Variants in TTC27 observed in about 807,000 individuals in gnomAD.
TTC27 encodes tetratricopeptide repeat domain 27.
In TTC27, 79 loss-of-function variants were observed where a neutral mutation model predicts 115.9. That is an observed-to-expected ratio of 0.68 (90% confidence interval 0.57 to 0.82). TTC27 has a LOEUF of 0.82. TTC27 is among the 40% of genes least tolerant of loss of function. The pLI, the probability that TTC27 is intolerant of heterozygous loss-of-function variation, is 0.00. For synonymous variants in TTC27, 401 were observed against 356.0 expected (o/e 1.13, Z -1.42); for missense variants, 1,054 against 993.1 (o/e 1.06, Z -0.82).
At chr2:32,715,691 C>T (rs966218304) in intron 10 of TTC27, among the ~76,000 whole-genome samples, 1 of 151,958 alleles carries the variant, frequency 6.6e-6, no homozygotes, top group Admixed American at 6.6e-5. Flanking sequence ...GTTGGTAGTC[C>T]TTTCTTTATA....
At chr2:32,699,398 AC>A (rs2151899265) in intron 9 of TTC27, among the ~76,000 whole-genome samples, 1 of 152,154 alleles carries the variant, frequency 6.6e-6, no homozygotes, top group East Asian at 1.9e-4. Flanking sequence ...CGTGGTGAAG[AC>A]TCTGAATTAA....
chr2:32,779,913 T>C, intron 14 of TTC27: 1 of 247,382 alleles, frequency 4.0e-6, no homozygotes, highest in South Asian at 5.0e-5. Context: ...TCTTTTCCTA[T>C]TAATAGTCTT....
At chr2:32,734,584 T>C (rs1288365148) in intron 11 of TTC27, among the ~76,000 whole-genome samples, 5 of 152,202 alleles carry the variant, frequency 3.3e-5, no homozygotes. Context: ...TTCTGGCCCC[T>C]TGTCTACATG....
chr2:32,683,444 C>T (rs1257844986), intron 9 of TTC27, among the ~76,000 whole-genome samples: 1 of 152,168 alleles, frequency 6.6e-6, no homozygotes, highest in Non-Finnish European at 1.5e-5. Flanking sequence ...CCAAAGTTTA[C>T]TAGAATGATG....
At chr2:32,809,255 G>T (rs147899194) in intron 16 of TTC27, among the ~76,000 whole-genome samples, 2 of 152,204 alleles carry the variant, frequency 1.3e-5, no homozygotes, top group African/African-American at 2.4e-5. Context: ...TCTCAGCTAC[G>T]CTTTCTGAAA....
At chr2:32,636,292 C>T (rs1559180143) in intron 3 of TTC27, among the ~76,000 whole-genome samples, 1 of 152,158 alleles carries the variant, frequency 6.6e-6, no homozygotes, top group Non-Finnish European at 1.5e-5. Flanking sequence ...CGGCTCACTG[C>T]AGTCTCTGCC....
At chr2:32,792,646 A>G (rs1159445173) in intron 16 of TTC27, among the ~76,000 whole-genome samples, 1 of 152,124 alleles carries the variant, frequency 6.6e-6, no homozygotes, top group Non-Finnish European at 1.5e-5. Flanking sequence ...GAGCTAGCCA[A>G]GCAGGGGAGG....
intron 16 of TTC27, among the ~76,000 whole-genome samples, chr2:32,800,582 T>C (rs1307292091): frequency 6.6e-6 from 1 of 151,808 alleles, no homozygotes; most frequent in African/African-American, 2.4e-5. Flanking sequence ...TCTGCAACCT[T>C]CGCCACCTGG....
intron 13 of TTC27, among the ~76,000 whole-genome samples, chr2:32,761,562 C>T (rs562051959): frequency 6.6e-6 from 1 of 152,242 alleles, no homozygotes; most frequent in East Asian, 1.9e-4. Context: ...TCTCACCCCA[C>T]ATTGCCCTCC....
intron 9 of TTC27, among the ~76,000 whole-genome samples, chr2:32,685,015 C>CT (rs70938361): frequency 0.3 from 35,077 of 116,174 alleles, 5,485 homozygotes; most frequent in Non-Finnish European, 0.38. Flanking sequence ...TTGCCTTTTC[C>CT]TTTTTTTTTT....
chr2:32,803,986 G>A (rs1345766830), intron 16 of TTC27, among the ~76,000 whole-genome samples: 1 of 146,564 alleles, frequency 6.8e-6, no homozygotes, highest in African/African-American at 2.5e-5. Context: ...CAGCCTGGGC[G>A]ACAGAGCGAG....
At chr2:32,707,821 A>AT (rs1431483951) in intron 10 of TTC27, among the ~76,000 whole-genome samples, 1 of 152,010 alleles carries the variant, frequency 6.6e-6, no homozygotes, top group Non-Finnish European at 1.5e-5. Context: ...GCCAGATTTT[A>AT]TTTTTTAAGT....
In TTC27 at chr2:32,700,370, C is replaced by G. The variant is rs570877021; in HGVS notation, c.1120-2437C>G. Among the ~76,000 whole-genome samples, 4 of 152,196 alleles carry G rather than the reference C, an allele frequency of 2.6e-5. No homozygotes were observed. The East Asian group carries it at 5.8e-4, about 22-fold the overall frequency. On this transcript the variant is annotated intron_variant, in intron 9 of 19. Transcript: ENST00000317907. ...TCTTTCACTCTGCAGACTTTTCCCA[C>G]TGTTTTACAGAGCCTTTTCCTCAGT...
At chr2:32,764,454 A>G (rs980121871) in intron 13 of TTC27, among the ~76,000 whole-genome samples, 1 of 152,240 alleles carries the variant, frequency 6.6e-6, no homozygotes, top group Non-Finnish European at 1.5e-5. Context: ...TACCAAAAAA[A>G]AATGCTAATG....
At chr2:32,774,613 T>G (rs1159528012) in intron 13 of TTC27, among the ~76,000 whole-genome samples, 1 of 152,208 alleles carries the variant, frequency 6.6e-6, no homozygotes, top group Non-Finnish European at 1.5e-5. Flanking sequence ...TTTTTGAAGC[T>G]TCTTTTGATT....
intron 9 of TTC27, among the ~76,000 whole-genome samples, chr2:32,699,960 G>A (rs186732879): frequency 7.9e-5 from 12 of 152,288 alleles, no homozygotes; most frequent in East Asian, 1.9e-4. Context: ...CTGTGCAAGC[G>A]TTTGGGACAA....
intron 4 of TTC27, among the ~76,000 whole-genome samples, chr2:32,647,413 G>C (rs537355065): frequency 2.2e-4 from 34 of 152,270 alleles, no homozygotes; most frequent in Non-Finnish European, 4.3e-4. Context: ...GATAGGAAAA[G>C]AATGAAAATG....
intron 15 of TTC27, among the ~76,000 whole-genome samples, 159 bp downstream of exon 15, chr2:32,782,837 ATT>A (rs1228364280): frequency 6.6e-6 from 1 of 152,198 alleles, no homozygotes; most frequent in East Asian, 1.9e-4. Context: ...TTCAAACTAA[ATT>A]AACTTGAATT....
At chr2:32,653,914 C>T (rs1332251432) in intron 5 of TTC27, among the ~76,000 whole-genome samples, 1 of 152,174 alleles carries the variant, frequency 6.6e-6, no homozygotes, top group Non-Finnish European at 1.5e-5. Context: ...CTTGAGTTAT[C>T]TATCTTCAAA....
Sources: gnomAD v4.1 joint callset for allele counts (sites outside exome capture counted in the v4.1 genomes callset) on GRCh38, gnomAD v4.1.1 for gene constraint, MANE v1.5 for transcripts, NCBI Gene and HGNC (gene_info 2026-07-23, HGNC 2026-07-21) for gene names.